The following FRAS1 variants were observed in gnomAD, a reference collection of about 807,000 sequenced individuals.
FRAS1 encodes extracellular matrix organizing protein FRAS1.
A neutral mutation model predicts 435.2 loss-of-function variants in FRAS1; 290 were observed. That is an observed-to-expected ratio of 0.67 (90% CI 0.61 to 0.73). FRAS1 has a LOEUF of 0.73. Among genes scored for constraint, FRAS1 ranks in the 30% least tolerant of loss-of-function variants. FRAS1 has a pLI of 0.00. For missense variants in FRAS1, 4,860 were observed against 5,001.5 expected (o/e 0.97, Z 0.85); for synonymous variants, 1,800 against 1,851.0 (o/e 0.97, Z 0.71).
intron 2 of FRAS1, among the ~76,000 whole-genome samples, chr4:78,230,382 G>A (rs548029144): frequency 2.0e-5 from 3 of 152,160 alleles, no homozygotes; most frequent in African/African-American, 7.2e-5. Flanking sequence ...TTTTCTTAGC[G>A]GTAAGTGTCC....
At chr4:78,117,502 C>A (rs1226827622) in intron 2 of FRAS1, among the ~76,000 whole-genome samples, 2 of 152,152 alleles carry the variant, frequency 1.3e-5, no homozygotes, top group Non-Finnish European at 2.9e-5. Context: ...TTCACATAGT[C>A]CCTTATTTCT....
At chr4:78,280,327 G>T (rs1343662760) in intron 10 of FRAS1, among the ~76,000 whole-genome samples, 3 of 152,180 alleles carry the variant, frequency 2.0e-5, no homozygotes. Context: ...CTGGCGGGTG[G>T]CATCTACAGC....
In FRAS1 at chr4:78,430,365, G is replaced by A. The variant is rs1734166830; in HGVS notation, c.4917G>A (p.Gln1639=). 5 of 1,613,842 alleles carry A rather than the reference G, an allele frequency of 3.1e-6. No homozygotes were observed. The highest frequency in any genetic ancestry group is 4.2e-6 in the Non-Finnish European group (5 of 1,179,856). The change falls in exon 37 of 74, where the codon CAG becomes CAA. Residue 1639 remains glutamine, a synonymous_variant. Coordinates refer to ENST00000512123, the MANE Select transcript of FRAS1 (RefSeq NM_025074.7). The stretch of plus-strand genomic sequence containing the variant: ...TCTTTGAGCTTCGGAGACCTCCACA[G>A]CATGGTGTGCTTCTTAAGCATACAG... The part of the protein sequence containing the change: ...ELFFELRRPP[Q]HGVLLKHTAE...
At chr4:78,463,128 T>C (rs1719419895) in intron 47 of FRAS1, among the ~76,000 whole-genome samples, 1 of 152,162 alleles carries the variant, frequency 6.6e-6, no homozygotes, top group Admixed American at 6.6e-5. Flanking sequence ...TTCGTTTCAG[T>C]CTTGATTGGC....
chr4:78,340,326 A>G (rs1730347792), intron 20 of FRAS1, among the ~76,000 whole-genome samples: 1 of 152,198 alleles, frequency 6.6e-6, no homozygotes, highest in Non-Finnish European at 1.5e-5. Flanking sequence ...GAAATCATTT[A>G]TTGATTAAAG....
chr4:78,319,664 A>G (rs1729421871), intron 18 of FRAS1: 1 of 242,060 alleles, frequency 4.1e-6, no homozygotes, highest in Non-Finnish European at 8.5e-6. Context: ...CCTAAACCCA[A>G]TTGCCTTTTC....
intron 60 of FRAS1, among the ~76,000 whole-genome samples, chr4:78,498,753 ACTCT>A (rs1324195443): frequency 6.6e-6 from 1 of 151,818 alleles, no homozygotes; most frequent in Non-Finnish European, 1.5e-5. Context: ...TTTTTATCTC[ACTCT>A]CTCTACCACC....
chr4:78,213,338 C>T (rs1723599883), intron 2 of FRAS1, among the ~76,000 whole-genome samples: 1 of 152,274 alleles, frequency 6.6e-6, no homozygotes, highest in Non-Finnish European at 1.5e-5. Context: ...TTCTGTCGTT[C>T]CTTCAAGTGC....
intron 65 of FRAS1, among the ~76,000 whole-genome samples, chr4:78,514,983 G>A (rs888254754): frequency 6.7e-6 from 1 of 150,268 alleles, no homozygotes; most frequent in Non-Finnish European, 1.5e-5. Flanking sequence ...CAGGAGAATC[G>A]CTTGAACCCA....
At chr4:78,192,830 G>A (rs1044213593) in intron 2 of FRAS1, among the ~76,000 whole-genome samples, 9 of 152,116 alleles carry the variant, frequency 5.9e-5, no homozygotes, top group Non-Finnish European at 1.2e-4. Context: ...GAATGTGTTT[G>A]CTCTTGCTTC....
At chr4:78,372,646 TC>T (rs1731560231) in intron 23 of FRAS1, 71 bp from the exon 24 acceptor site, 1 of 1,562,798 alleles carries the variant, frequency 6.4e-7, no homozygotes, top group Non-Finnish European at 8.7e-7. Context: ...GCAGACAGAG[TC>T]CTCATAAATG....
At chr4:78,506,466 C>G (rs115346536) in intron 61 of FRAS1, among the ~76,000 whole-genome samples, 2 of 152,238 alleles carry the variant, frequency 1.3e-5, no homozygotes, top group African/African-American at 4.8e-5. Flanking sequence ...TGCAGACACC[C>G]CTCCCCCAGC....
In FRAS1 at chr4:78,194,951, G is replaced by A. The variant is rs182135733; in HGVS notation, c.109-42559G>A. 6.7e-4 allele frequency among the ~76,000 whole-genome samples: 102 copies of A among 152,182 alleles called. No individual in the cohort carries two copies. In the East Asian group the frequency reaches 0.014, roughly 20 times the overall value. ...GTGGTGATGTACAGATGGGGTTTTC[G>A]TGTGGATGTCCTTTCTGTTGGTTAG... On this transcript the variant is annotated intron_variant, in intron 2 of 73. Coordinates refer to ENST00000512123, the MANE Select transcript of FRAS1 (RefSeq NM_025074.7).
At chr4:78,255,481 C>A in intron 6 of FRAS1, 106 bp downstream of exon 6, 2 of 1,187,782 alleles carry the variant, frequency 1.7e-6, no homozygotes, top group Non-Finnish European at 2.3e-6. Context: ...AAACAAGAAG[C>A]AAAGCCCTTT....
At chr4:78,162,349 G>C (rs1721178590) in intron 2 of FRAS1, among the ~76,000 whole-genome samples, 1 of 152,088 alleles carries the variant, frequency 6.6e-6, no homozygotes, top group African/African-American at 2.4e-5. Context: ...TTGTTGTTCG[G>C]TCTCCCAAAA....
chr4:78,307,670 C>T (rs1050090445), intron 14 of FRAS1, among the ~76,000 whole-genome samples: 23 of 152,216 alleles, frequency 1.5e-4, no homozygotes, highest in African/African-American at 5.1e-4. Context: ...ACTCCCTGAC[C>T]CCTTGCGCTT....
intron 45 of FRAS1, among the ~76,000 whole-genome samples, chr4:78,450,650 A>G (rs1209616413): frequency 2.0e-5 from 3 of 152,146 alleles, no homozygotes; most frequent in Non-Finnish European, 4.4e-5. Context: ...GAAGGAAAAA[A>G]GAAGTGAGTT....
intron 14 of FRAS1, among the ~76,000 whole-genome samples, chr4:78,305,111 T>C (rs551161985): frequency 6.6e-5 from 10 of 152,098 alleles, no homozygotes; most frequent in African/African-American, 1.2e-4. Context: ...GCCTTCATTT[T>C]GTTATGTACC....
chr4:78,388,359 A>G (rs1314320669), intron 29 of FRAS1, among the ~76,000 whole-genome samples: 2 of 150,708 alleles, frequency 1.3e-5, no homozygotes, highest in South Asian at 4.2e-4. Flanking sequence ...AAAAAAACCC[A>G]GCTCATCAAA....
Sources: allele counts gnomAD v4.1 joint callset (sites outside exome capture counted in the v4.1 genomes callset), GRCh38; gene constraint gnomAD v4.1.1; transcripts MANE v1.5; gene names NCBI Gene and HGNC (gene_info 2026-07-23, HGNC 2026-07-21).